SOX8: variants seen among roughly 807,000 people sequenced by gnomAD.
SOX8 encodes the protein transcription factor SOX-8.
SOX8 carries 9 observed loss-of-function variants against 22.9 expected under a neutral mutation model. The observed-to-expected ratio is 0.39, with a 90% CI of 0.24 to 0.69. SOX8 has a LOEUF of 0.69. SOX8 is among the 30% of genes least tolerant of loss of function. The pLI is 0.43. For missense variants in SOX8, 734 were observed against 699.4 expected, an observed-to-expected ratio of 1.05 and a Z score of -0.56; for synonymous variants, 416 against 330.6, an observed-to-expected ratio of 1.26 and a Z score of -2.80.
intron 1 of SOX8, 153 bp downstream of exon 1, chr16:982,497 C>G: frequency 3.4e-6 from 3 of 870,262 alleles, no homozygotes; most frequent in Middle Eastern, 3.9e-4. Flanking sequence ...AGGGCGGGTC[C>G]CAGTGGAAAA....
Position 984,688 on chromosome 16 carries a change from C to G in SOX8, c.656-13C>G. The G allele has an allele frequency of 2.0e-6, 3 of 1,484,286 alleles. No individual in the cohort carries two copies. The highest frequency in any genetic ancestry group is 1.8e-6 in the Non-Finnish European group (2 of 1,118,660). The allele number at this position is 1,484,286 out of a possible 1,614,324, so 91.9% of individuals were successfully genotyped here. A position where few individuals can be genotyped will look rare whatever the true frequency, so the allele number is the denominator to read the frequency against. Reference sequence around the variant, plus strand: ...GGGGCATTCATCCCTGAAGCCTGCTCTCCTGTCCCCAGGGCAGACCCACGG... The same window carrying G: ...GGGGCATTCATCCCTGAAGCCTGCTGTCCTGTCCCCAGGGCAGACCCACGG... On this transcript the variant is annotated splice_polypyrimidine_tract_variant and intron_variant, in intron 2 of 2. Coordinates refer to ENST00000293894, the MANE Select transcript of SOX8 (RefSeq NM_014587.5).
chr16:985,160 C>A lies in SOX8; in HGVS notation c.1115C>A (p.Pro372His). 6.2e-7 allele frequency: 1 copy of A among 1,607,212 alleles called. No homozygotes were observed. Among genetic ancestry groups the A allele is most frequent in the Non-Finnish European group, 8.5e-7 (1 of 1,177,440 alleles). ...CAGTCCAGCGCCACCCCGGCCGCCC[C>A]CGCCGGCCCCTTCGCCGGCTCACAG... Reference protein sequence around the residue: ...SGQSSATPAAPAGPFAGSQGD... With the variant: ...SGQSSATPAAHAGPFAGSQGD... Residue 372 changes from proline to histidine, a missense_variant, in exon 3 of 3, where the codon CCC becomes CAC. Pro to His is a moderately conservative substitution (Grantham distance 77). Around this residue, in one of 3 missense-constraint regions of SOX8, gnomAD observed 588 missense variants for 568.2 expected, o/e 1.03. Coordinates refer to ENST00000293894, the MANE Select transcript of SOX8 (RefSeq NM_014587.5).
At position 984,792 on chromosome 16, in the gene SOX8, CCGG is replaced by C; in HGVS notation, c.749_751del (p.Arg250del). The C allele has an allele frequency of 6.2e-7, 1 of 1,610,732 alleles. No individual in the cohort carries two copies. ...AGCCGGAGCTGAAGCTGGAGGGACG[CCGG>C]CCGGTGGACAGCGGGCGCCAGAACA... On this transcript the variant is annotated inframe_deletion, in exon 3 of 3. Transcript: ENST00000293894.
intron 1 of SOX8, chr16:983,511 C>A (rs373597649): frequency 6.4e-6 from 3 of 465,232 alleles, no homozygotes; most frequent in African/African-American, 6.0e-5. Flanking sequence ...CTTTGGCTGT[C>A]GTAAGCATAC....
rs1233756455 is a variant in SOX8, at chr16:983,950, C to T, written c.645C>T (p.Gly215=). The part of the protein sequence containing the change: ...EAGLGDGHHH[G]DHTGQTHGPP... Reference sequence around the variant, plus strand: ...GGCTTGGAGATGGGCACCACCATGGCGACCACACAGGTGGGCTCCAGGCCC... The same window carrying T: ...GGCTTGGAGATGGGCACCACCATGGTGACCACACAGGTGGGCTCCAGGCCC... Residue 215 remains glycine, a synonymous_variant, in exon 2 of 3, where the codon GGC becomes GGT. Transcript: ENST00000293894. The T allele has an allele frequency of 6.5e-6, 10 of 1,535,442 alleles. No homozygotes were observed. Among genetic ancestry groups the T allele is most frequent in the Middle Eastern group, 1.7e-4 (1 of 5,898 alleles).
rs1367217952 is a variant in SOX8, at chr16:984,995, C to G, written c.950C>G (p.Ala317Gly). 6.3e-7 allele frequency: 1 copy of G among 1,585,230 alleles called. No homozygotes were observed. Residue 317 changes from alanine (A) to glycine (G), a missense_variant, in exon 3 of 3, where the codon GCC (alanine) becomes GGC (glycine). Coordinates refer to ENST00000293894, the MANE Select transcript of SOX8 (RefSeq NM_014587.5). ...YFHAGASPVW[A>G]HKSAPSASAS... ...CACGCCGGGGCGTCCCCCGTGTGGG[C>G]CCACAAGAGTGCCCCGTCGGCCTCC... is the stretch of plus-strand genomic sequence containing the variant.
At chr16:983,596 G>C in intron 1 of SOX8, 132 bp from the exon 2 acceptor site, 1 of 739,704 alleles carries the variant, frequency 1.4e-6, no homozygotes, top group East Asian at 2.8e-5. Context: ...GCTCCGGAGC[G>C]CACGGCAGGC....
rs1194935570 is a variant in SOX8 at position 984,738 on chromosome 16, C to T, written c.693C>T (p.Pro231=). ...THGPPTPPTT[P]KTELQQAGAK... is the part of the protein sequence containing the mutation. ...GGCCGCCCACCCCGCCCACCACCCC[C>T]AAGACGGAGCTGCAGCAGGCGGGCG... Residue 231 remains proline, a synonymous_variant, in exon 3 of 3, where the codon CCC becomes CCT. Transcript: ENST00000293894. 1.9e-6 allele frequency: 3 copies of T among 1,582,896 alleles called. No individual in the cohort carries two copies. In the East Asian group the frequency reaches 6.9e-5, roughly 36 times the overall value.
rs761587211 is a variant in SOX8, at chr16:985,113, C to T, written c.1068C>T (p.Pro356=). The change falls in exon 3 of 3, where the codon CCC becomes CCT. Residue 356 remains proline, a synonymous_variant. Coordinates refer to ENST00000293894, the MANE Select transcript of SOX8 (RefSeq NM_014587.5). ...GHYGDQPRGS[P]DYGSCSGQSS... ...ACGGCGACCAGCCCCGAGGCTCGCC[C>T]GACTACGGTTCCTGCAGCGGCCAGT... The T allele has an allele frequency of 3.3e-5, 52 of 1,596,256 alleles. No homozygotes were observed. The highest frequency in any genetic ancestry group is 6.8e-5 in the East Asian group (3 of 44,318).
rs753863261 is a variant in SOX8, at chr16:984,794, G to A, written c.749G>A (p.Arg250Gln). The change falls in exon 3 of 3, where the codon CGG becomes CAG. Residue 250 changes from arginine (R) to glutamine (Q), a missense_variant. By Grantham distance (43) the Arg-to-Gln change is conservative. Around this residue, in one of 3 missense-constraint regions of SOX8, gnomAD observed 588 missense variants for 568.2 expected, o/e 1.03. Coordinates refer to ENST00000293894, the MANE Select transcript of SOX8 (RefSeq NM_014587.5). ...AKPELKLEGRRPVDSGRQNID... is the reference protein window; with the variant it reads ...AKPELKLEGRQPVDSGRQNID... ...CCGGAGCTGAAGCTGGAGGGACGCCGGCCGGTGGACAGCGGGCGCCAGAAC... is the reference window on the plus strand; with the variant it reads ...CCGGAGCTGAAGCTGGAGGGACGCCAGCCGGTGGACAGCGGGCGCCAGAAC... 9.2e-5 allele frequency: 143 copies of A among 1,552,816 alleles called. 1 individual carries two copies. In the South Asian group the frequency reaches 1.2e-3, roughly 13 times the overall value.
Position 983,861 on chromosome 16 carries a change from T to A in SOX8, c.556T>A (p.Ser186Thr), listed in dbSNP as rs1219814004. 6.2e-7 allele frequency: 1 copy of A among 1,612,350 alleles called. No individual in the cohort carries two copies. The highest frequency in any genetic ancestry group is 8.5e-7 in the Non-Finnish European group (1 of 1,179,606). The change falls in exon 2 of 3, where the codon TCC (serine) becomes ACC (threonine). Residue 186 changes from serine to threonine, a missense_variant. Coordinates refer to ENST00000293894, the MANE Select transcript of SOX8 (RefSeq NM_014587.5). ...RKSAKAGHSD[S>T]DSGAELGPHP... is the part of the protein sequence containing the mutation. Reference sequence around the variant, plus strand: ...GAGCGCCAAAGCCGGCCACAGCGACTCCGACTCGGGCGCGGAGCTGGGACC... The same window carrying A: ...GAGCGCCAAAGCCGGCCACAGCGACACCGACTCGGGCGCGGAGCTGGGACC...
rs777739719 is a variant in SOX8 at position 984,808 on chromosome 16, G to C, written c.763G>C (p.Gly255Arg). The C allele has an allele frequency of 5.6e-6, 9 of 1,611,482 alleles. No individual in the cohort carries two copies. The East Asian group carries it at 1.6e-4, about 28-fold the overall frequency. ...GGAGGGACGCCGGCCGGTGGACAGCGGGCGCCAGAACATCGACTTCAGCAA... is the reference window on the plus strand; with the variant it reads ...GGAGGGACGCCGGCCGGTGGACAGCCGGCGCCAGAACATCGACTTCAGCAA... The part of the protein sequence containing the change: ...KLEGRRPVDS[G>R]RQNIDFSNVD... The change falls in exon 3 of 3, where the codon GGG becomes CGG. Residue 255 changes from glycine to arginine, a missense_variant. Coordinates refer to ENST00000293894, the MANE Select transcript of SOX8 (RefSeq NM_014587.5).
rs1328289890 is a variant in SOX8, at chr16:985,038, G to A, written c.993G>A (p.Thr331=). 13 of 1,576,524 alleles carry A rather than the reference G, an allele frequency of 8.2e-6. No individual in the cohort carries two copies. Among genetic ancestry groups the A allele is most frequent in the South Asian group, 3.4e-5 (3 of 88,562 alleles). The change falls in exon 3 of 3, where the codon ACG becomes ACA. Residue 331 remains threonine, a synonymous_variant. Transcript: ENST00000293894. ...CGGCCTCCGCGTCGCCCACCGAGAC[G>A]GGTCCCCCACGGCCGCACATCAAGA... ...APSASASPTE[T]GPPRPHIKTE...
At position 985,464 on chromosome 16, in the gene SOX8, A is replaced by C. The variant is rs1320902621; in HGVS notation, c.*78A>C. ...GCCCAGTGTGTGTGACCAGGGCGGG[A>C]GGGGCCCCAGTGGCTGAGCTCCAAG... On this transcript the variant is annotated 3_prime_UTR_variant, in exon 3 of 3. Coordinates refer to ENST00000293894, the MANE Select transcript of SOX8 (RefSeq NM_014587.5). 17 of 1,241,042 alleles carry C rather than the reference A, an allele frequency of 1.4e-5. No individual in the cohort carries two copies. The highest frequency in any genetic ancestry group is 1.8e-5 in the Non-Finnish European group (17 of 926,246). 76.9% of individuals were successfully genotyped at this position (1,241,042 alleles called of 1,614,324 possible). A position where few individuals can be genotyped will look rare whatever the true frequency, so the allele number is the denominator to read the frequency against.
At chr16:982,471 A>T in intron 1 of SOX8, 127 bp downstream of exon 1, 1 of 1,047,176 alleles carries the variant, frequency 9.5e-7, no homozygotes, top group Admixed American at 4.3e-5. Context: ...CGGGCTCTGC[A>T]CCCCGGGCGG....
rs1350347546 is a variant in SOX8 at position 982,048 on chromosome 16, G to T, written c.126G>T (p.Leu42=). 3.8e-6 allele frequency: 5 copies of T among 1,303,942 alleles called. No individual in the cohort carries two copies. Among genetic ancestry groups the T allele is most frequent in the Non-Finnish European group, 3.9e-6 (4 of 1,035,008 alleles). 80.8% of individuals were successfully genotyped at this position (1,303,942 alleles called of 1,614,324 possible). ...APPSPAGSEG[L]GRAGVAVGGA... is the part of the protein sequence containing the mutation. ...CGTCTCCCGCCGGCTCCGAGGGCCT[G>T]GGCCGCGCGGGGGTCGCGGTGGGGG... The change falls in exon 1 of 3, where the codon CTG becomes CTT. Residue 42 remains leucine, a synonymous_variant. Coordinates refer to ENST00000293894, the MANE Select transcript of SOX8 (RefSeq NM_014587.5).
intron 1 of SOX8, 174 bp from the exon 2 acceptor site, chr16:983,554 C>T: frequency 1.8e-6 from 1 of 547,322 alleles, no homozygotes; most frequent in Non-Finnish European, 3.2e-6. Context: ...GCCGGTTCTC[C>T]CAGAGGAGTG....
chr16:981,992 C>A lies in SOX8; in HGVS notation c.70C>A (p.His24Asn). The change falls in exon 1 of 3, where the codon CAC becomes AAC. Residue 24 changes from histidine to asparagine, a missense_variant. Around this residue, in one of 3 missense-constraint regions of SOX8, gnomAD observed 139 missense variants for 109.1 expected, o/e 1.27. Coordinates refer to ENST00000293894, the MANE Select transcript of SOX8 (RefSeq NM_014587.5). ...SPSGTASSMS[H>N]VEDSDSDAPP... Reference sequence around the variant, plus strand: ...GTCCGGCACCGCCAGCTCCATGTCGCACGTGGAGGACTCGGACTCGGACGC... The same window carrying A: ...GTCCGGCACCGCCAGCTCCATGTCGAACGTGGAGGACTCGGACTCGGACGC... 6.9e-7 allele frequency: 1 copy of A among 1,446,064 alleles called. No homozygotes were observed. The highest frequency in any genetic ancestry group is 9.1e-7 in the Non-Finnish European group (1 of 1,099,488). The allele number at this position is 1,446,064 out of a possible 1,614,324, so 89.6% of individuals were successfully genotyped here.
rs750290308 is a variant in SOX8 at position 984,942 on chromosome 16, G to A, written c.897G>A (p.Pro299=). Residue 299 remains proline (P), a synonymous_variant, in exon 3 of 3, where the codon CCG becomes CCA. Coordinates refer to ENST00000293894, the MANE Select transcript of SOX8 (RefSeq NM_014587.5). ...TGGGCGGCCCCGCCCCACCCGAGCC[G>A]GGCCAGGCCTATGGGGGCGCCTACT... ...LPLGGPAPPE[P]GQAYGGAYFH... 3.9e-5 allele frequency: 63 copies of A among 1,600,962 alleles called. No individual in the cohort carries two copies. The highest frequency in any genetic ancestry group is 1.3e-4 in the South Asian group (12 of 90,032).
Sources: gnomAD v4.1 joint callset for allele counts on GRCh38, gnomAD v4.1.1 for gene constraint, gnomAD v4.1.1 regional missense constraint, MANE v1.5 for transcripts, NCBI Gene and HGNC (gene_info 2026-07-23, HGNC 2026-07-21) for gene names.